Variants in SGPP2 observed in about 807,000 individuals in gnomAD.
SGPP2 encodes sphingosine 1-phosphate phosphohydrolase 2.
Under a neutral mutation model 33.9 loss-of-function variants are expected in SGPP2, and 30 were observed. The ratio of observed to expected loss-of-function variants is 0.89; its 90% CI spans 0.66 to 1.20. The LOEUF is 1.20. SGPP2 is among the 50% of genes most tolerant of loss of function. SGPP2 has a pLI of 0.00. For missense variants in SGPP2, 458 were observed against 532.1 expected (o/e 0.86, Z 1.37); for synonymous variants, 233 against 225.0 (o/e 1.04, Z -0.32).
intron 4 of SGPP2, among the ~76,000 whole-genome samples, chr2:222,540,782 AT>A (rs962004445): frequency 4.5e-5 from 5 of 110,636 alleles, no homozygotes; most frequent in South Asian, 2.9e-4. Context: ...TACATTTATT[AT>A]TTTTTCAGCA....
chr2:222,520,375 T>C (rs1698665040), intron 2 of SGPP2, among the ~76,000 whole-genome samples: 1 of 151,042 alleles, frequency 6.6e-6, no homozygotes, highest in South Asian at 2.1e-4. Flanking sequence ...TATCTTCTGC[T>C]TTGAAAAAAA....
intron 1 of SGPP2, among the ~76,000 whole-genome samples, chr2:222,471,059 A>G (rs144155280): frequency 4.6e-5 from 7 of 152,342 alleles, no homozygotes; most frequent in African/African-American, 9.6e-5. Flanking sequence ...CATTATTGTC[A>G]TTCCTGTTTA....
intron 2 of SGPP2, among the ~76,000 whole-genome samples, chr2:222,500,567 C>A (rs1180641616): frequency 6.6e-6 from 1 of 152,076 alleles, no homozygotes; most frequent in East Asian, 1.9e-4. Flanking sequence ...GTGTGGATAG[C>A]AATAGCCTGT....
At chr2:222,532,852 T>C (rs1034531984) in intron 4 of SGPP2, among the ~76,000 whole-genome samples, 16 of 152,128 alleles carry the variant, frequency 1.1e-4, no homozygotes, top group African/African-American at 3.9e-4. Context: ...AAATCAGTAC[T>C]GTCCATGCCA....
At chr2:222,442,304 C>G (rs530177931) in intron 1 of SGPP2, among the ~76,000 whole-genome samples, 1 of 152,190 alleles carries the variant, frequency 6.6e-6, no homozygotes, top group African/African-American at 2.4e-5. Context: ...TTGCAGGCAA[C>G]GTCTTGGGCA....
intron 4 of SGPP2, among the ~76,000 whole-genome samples, chr2:222,532,476 C>G (rs1271487807): frequency 1.3e-5 from 2 of 152,142 alleles, no homozygotes; most frequent in Admixed American, 6.5e-5. Flanking sequence ...GCAGGCCCAA[C>G]TGAAGCATGG....
chr2:222,550,433 C>A lies in SGPP2; in HGVS notation c.649-7914C>A, dbSNP rs115242335. On this transcript the variant is annotated intron_variant, in intron 4 of 4. Coordinates refer to ENST00000321276, the MANE Select transcript of SGPP2 (RefSeq NM_152386.4). The surrounding 1 kb of genome is among the most constrained non-coding windows in gnomAD (Gnocchi z 4.5). ...CCTGGAGTATAGAGAAGATAATAGT[C>A]ATCTGTAATGTCACAACACAGAGAA... Among the ~76,000 whole-genome samples, 42 of 152,174 alleles carry A rather than the reference C, an allele frequency of 2.8e-4. No homozygotes were observed. The highest frequency in any genetic ancestry group is 9.9e-4 in the African/African-American group (41 of 41,516).
At chr2:222,478,655 G>A (rs536561685) in intron 2 of SGPP2, among the ~76,000 whole-genome samples, 12 of 152,276 alleles carry the variant, frequency 7.9e-5, no homozygotes, top group Admixed American at 7.2e-4. Context: ...CTTTGTTCAG[G>A]ACTGCCAAAG....
At chr2:222,488,021 A>G (rs574765250) in intron 2 of SGPP2, among the ~76,000 whole-genome samples, 2 of 152,314 alleles carry the variant, frequency 1.3e-5, no homozygotes, top group Non-Finnish European at 2.9e-5. Flanking sequence ...TCCCTAGCTC[A>G]GAACACACAT....
At chr2:222,510,614 G>T (rs887293198) in intron 2 of SGPP2, among the ~76,000 whole-genome samples, 1 of 152,128 alleles carries the variant, frequency 6.6e-6, no homozygotes, top group South Asian at 2.1e-4. Context: ...AAGATATTGG[G>T]ATCTTTCAAT....
rs965353805 is a variant in SGPP2 at position 222,477,424 on chromosome 2, T to A, written c.378+2698T>A. 6.6e-6 allele frequency among the ~76,000 whole-genome samples: 1 copy of A among 151,842 alleles called. No individual in the cohort carries two copies. The highest frequency in any genetic ancestry group is 2.4e-5 in the African/African-American group (1 of 41,288). ...GTGTATATATGTGTGTTTATAGGTA[T>A]GTATATATGTGTGAATGTATGTATA... On this transcript the variant is annotated intron_variant, in intron 2 of 4. Coordinates refer to ENST00000321276, the MANE Select transcript of SGPP2 (RefSeq NM_152386.4). The surrounding 1 kb of genome is among the most constrained non-coding windows in gnomAD (Gnocchi z 6.0).
chr2:222,462,340 A>T (rs915329923), intron 1 of SGPP2, among the ~76,000 whole-genome samples: 3 of 152,150 alleles, frequency 2.0e-5, no homozygotes, highest in African/African-American at 7.2e-5. Context: ...GACAAGACTC[A>T]TGTTAGAGCA....
intron 4 of SGPP2, among the ~76,000 whole-genome samples, chr2:222,545,545 G>T: frequency 6.6e-6 from 1 of 152,072 alleles, no homozygotes; most frequent in East Asian, 1.9e-4. Flanking sequence ...GCCTCCCAAA[G>T]TGCTGGGATT....
In SGPP2 at chr2:222,462,489, G is replaced by A. The variant is rs536239616; in HGVS notation, c.220-12079G>A. On this transcript the variant is annotated intron_variant, in intron 1 of 4. Transcript: ENST00000321276. ...TCTGCTGTGAGAATGGGTGGATGAG[G>A]AAGTGAAACGCAGCAAAACTGGATC... Among the ~76,000 whole-genome samples the A allele has an allele frequency of 4.1e-4, 63 of 152,262 alleles. 1 individual carries two copies. The highest frequency in any genetic ancestry group is 1.5e-3 in the African/African-American group (62 of 41,538).
chr2:222,493,218 G>A (rs1698224674), intron 2 of SGPP2, among the ~76,000 whole-genome samples: 1 of 152,212 alleles, frequency 6.6e-6, no homozygotes, highest in South Asian at 2.1e-4. Context: ...AAACAAAGGA[G>A]GTTCAATTGA....
At chr2:222,434,799 A>G (rs1248277344) in intron 1 of SGPP2, among the ~76,000 whole-genome samples, 4 of 152,106 alleles carry the variant, frequency 2.6e-5, no homozygotes, top group African/African-American at 7.2e-5. Context: ...CAGCTAAAAA[A>G]GACCAGGCCT....
intron 1 of SGPP2, among the ~76,000 whole-genome samples, chr2:222,455,940 G>A (rs1378224984): frequency 6.6e-6 from 1 of 152,084 alleles, no homozygotes; most frequent in East Asian, 1.9e-4. Context: ...TTCCCCGGGT[G>A]TGGTGACATG....
intron 2 of SGPP2, among the ~76,000 whole-genome samples, chr2:222,491,975 T>C (rs1003016449): frequency 3.3e-5 from 5 of 152,160 alleles, no homozygotes; most frequent in African/African-American, 1.2e-4. Context: ...ATGTCTAAAA[T>C]CCAGCAGGGC....
chr2:222,510,627 T>C (rs963809324), intron 2 of SGPP2, among the ~76,000 whole-genome samples: 4 of 152,204 alleles, frequency 2.6e-5, no homozygotes, highest in African/African-American at 9.6e-5. Flanking sequence ...CTTTCAATTT[T>C]TTTTAATATG....
Sources: allele counts gnomAD v4.1 joint callset (sites outside exome capture counted in the v4.1 genomes callset), GRCh38; gene constraint gnomAD v4.1.1; non-coding constraint Gnocchi (gnomAD v3.1); transcripts MANE v1.5; gene names NCBI Gene and HGNC (gene_info 2026-07-23, HGNC 2026-07-21).